PHF19: variants seen among roughly 807,000 people sequenced by gnomAD.
PHF19 encodes the protein PHD finger protein 19, also known as polycomb like 3.
PHF19 carries 21 observed loss-of-function variants against 79.8 expected under a neutral mutation model. That is an observed-to-expected ratio of 0.26 (90% CI 0.19 to 0.38). The LOEUF (loss-of-function observed/expected upper bound fraction) is 0.38, where lower values mean the gene tolerates loss of function less well. Ranked by LOEUF, PHF19 falls within the 10% of genes least tolerant of loss-of-function variation. PHF19 has a pLI of 1.00. For missense variants in PHF19, 445 were observed against 744.2 expected (o/e 0.60, Z 4.68); for synonymous variants, 273 against 296.3 (o/e 0.92, Z 0.81).
chr9:120,896,749 G>A (rs369622425), upstream of PHF19, among the ~76,000 whole-genome samples: 14 of 152,232 alleles, frequency 9.2e-5, no homozygotes, highest in African/African-American at 1.7e-4. Context: ...CACCGTGCCC[G>A]GCCGTTTGTA....
intron 9 of PHF19, among the ~76,000 whole-genome samples, chr9:120,864,456 C>T (rs1354088004): frequency 1.3e-5 from 2 of 151,660 alleles, no homozygotes; most frequent in Non-Finnish European, 2.9e-5. Flanking sequence ...AAAATGGTGG[C>T]ATTGTTTCTA....
At chr9:120,876,883 C>T in intron 1 of PHF19, 1 of 596,492 alleles carries the variant, frequency 1.7e-6, no homozygotes, top group South Asian at 7.4e-5. Context: ...CACCCATGCC[C>T]CCCGGGGCTC....
chr9:120,880,826 G>A (rs2131581882), upstream of PHF19, among the ~76,000 whole-genome samples: 1 of 151,984 alleles, frequency 6.6e-6, no homozygotes, highest in East Asian at 2.0e-4. Flanking sequence ...TGGGCATGAT[G>A]GCATGCACCT....
chr9:120,862,119 G>T lies in PHF19; in HGVS notation c.1131-114C>A. On this transcript the variant is annotated intron_variant, in intron 11 of 14. Transcript: ENST00000373896. The surrounding 1 kb of genome is among the most constrained non-coding windows in gnomAD (Gnocchi z 4.6). Reference sequence around the variant, plus strand: ...CACAGCAGTTGGGGAGACAGGCTCTGAACACAGCTGCACCTTCACAGGGAG... The same window carrying T: ...CACAGCAGTTGGGGAGACAGGCTCTTAACACAGCTGCACCTTCACAGGGAG... 1.3e-6 allele frequency: 1 copy of T among 776,382 alleles called. No homozygotes were observed. Among genetic ancestry groups the T allele is most frequent in the South Asian group, 1.4e-5 (1 of 73,642 alleles). The allele number at this position is 776,382 out of a possible 1,614,324, so 48.1% of individuals were successfully genotyped here. A position where few individuals can be genotyped will look rare whatever the true frequency, so the allele number is the denominator to read the frequency against.
chr9:120,890,273 CTTTT>C (rs10658749), intron 1 of PHF19, among the ~76,000 whole-genome samples: 3,132 of 115,340 alleles, frequency 0.027, 51 homozygotes, highest in South Asian at 0.042. Flanking sequence ...AATGAGCCTG[CTTTT>C]TTTTTTTTTT....
chr9:120,896,314 T>C (rs757242974), upstream of PHF19, among the ~76,000 whole-genome samples: 6 of 152,262 alleles, frequency 3.9e-5, no homozygotes, highest in Non-Finnish European at 7.4e-5. Context: ...ACCACTCTCA[T>C]GCCAATTGTG....
chr9:120,884,430 G>C (rs2046235207), intron 1 of PHF19, among the ~76,000 whole-genome samples: 1 of 147,798 alleles, frequency 6.8e-6, no homozygotes, highest in African/African-American at 2.5e-5. Context: ...TGAGATGAGA[G>C]CTGCTCCCCG....
At chr9:120,885,129 GA>G (rs2131588870) in intron 1 of PHF19, among the ~76,000 whole-genome samples, 1 of 152,256 alleles carries the variant, frequency 6.6e-6, no homozygotes, top group East Asian at 1.9e-4. Flanking sequence ...GAAGTAGGAG[GA>G]TTGCTTGAAC....
rs1406328466 is a variant in PHF19 at position 120,864,050 on chromosome 9, G to A, written c.967C>T (p.Arg323Trp). 2 of 1,613,258 alleles carry A rather than the reference G, an allele frequency of 1.2e-6. No homozygotes were observed. Among genetic ancestry groups the A allele is most frequent in the East Asian group, 2.2e-5 (1 of 44,850 alleles). The stretch of plus-strand genomic sequence containing the variant: ...ACTCCCTCCCCTCCCTGCACGCACC[G>A]GCTTTTATAACTGTTCAGAGCGTTG... ...LLNALNSYKS[R>W]FLCGKEIKKK... is the part of the protein sequence containing the mutation. Residue 323 changes from arginine to tryptophan, a missense_variant and splice_region_variant, in exon 10 of 15, where the codon CGG becomes TGG. Arg to Trp is a moderately radical substitution (Grantham distance 101, BLOSUM62 -3). Coordinates refer to ENST00000373896, the MANE Select transcript of PHF19 (RefSeq NM_015651.3).
chr9:120,879,006 A>G (rs923893559), upstream of PHF19, among the ~76,000 whole-genome samples: 1 of 151,954 alleles, frequency 6.6e-6, no homozygotes, highest in African/African-American at 2.4e-5. Context: ...CTCTGAGGCT[A>G]CAGGCCAGCT....
chr9:120,861,040 C>T, intron 13 of PHF19, 49 bp downstream of exon 13: 1 of 1,065,132 alleles, frequency 9.4e-7, no homozygotes. Context: ...CTGCTTGGTT[C>T]CCTCCCTGTC....
chr9:120,883,875 G>C (rs894065640), intron 1 of PHF19, among the ~76,000 whole-genome samples: 1 of 152,078 alleles, frequency 6.6e-6, no homozygotes, highest in African/African-American at 2.4e-5. Context: ...GGAGTGATCA[G>C]GACAAGGAGG....
Position 120,860,998 on chromosome 9 carries a change from G to T in PHF19, c.1304+91C>A. ...AAGCCCCTTCAGACAGACCTGCACA[G>T]CAGGGATCCTTTTAACTGAGGGCTT... is the stretch of plus-strand genomic sequence containing the variant. On this transcript the variant is annotated intron_variant, in intron 13 of 14. Transcript: ENST00000373896. The surrounding 1 kb of genome is among the most constrained non-coding windows in gnomAD (Gnocchi z 4.1). 1 of 804,402 alleles carries T rather than the reference G, an allele frequency of 1.2e-6. No individual in the cohort carries two copies. Among genetic ancestry groups the T allele is most frequent in the Non-Finnish European group, 2.2e-6 (1 of 449,134 alleles). The allele number at this position is 804,402 out of a possible 1,614,324, so 49.8% of individuals were successfully genotyped here. A position where few individuals can be genotyped will look rare whatever the true frequency, so the allele number is the denominator to read the frequency against.
chr9:120,883,008 A>G (rs1347602091), intron 1 of PHF19, among the ~76,000 whole-genome samples: 1 of 152,152 alleles, frequency 6.6e-6, no homozygotes, highest in Non-Finnish European at 1.5e-5. Context: ...TCATGTCCTC[A>G]GCATGGAGGT....
At position 120,866,223 on chromosome 9, in the gene PHF19, C is replaced by T. The variant is rs557279335; in HGVS notation, c.711-127G>A. On this transcript the variant is annotated intron_variant, in intron 7 of 14. Transcript: ENST00000373896. This position sits in a 1 kb window ranked among gnomAD's most constrained non-coding sequence, Gnocchi z 5.2. ...ATCTTCTCACTCCTAGGACTGCTGGCCACTGGGGGTCAAGGACAGGGCAGG... is the reference window on the plus strand; with the variant it reads ...ATCTTCTCACTCCTAGGACTGCTGGTCACTGGGGGTCAAGGACAGGGCAGG... The T allele has an allele frequency of 1.6e-5, 12 of 735,554 alleles. No individual in the cohort carries two copies. The East Asian group carries it at 2.6e-4, about 16-fold the overall frequency. 45.6% of individuals were successfully genotyped at this position (735,554 alleles called of 1,614,324 possible).
Position 120,856,692 on chromosome 9 carries a change from C to T in PHF19, c.*1252G>A, listed in dbSNP as rs548565266. ...GGCAAGGGCTTCCCTTTGAGGGAACCAAATGATGCAGGCTCTTTAAAAATT... is the reference window on the plus strand; with the variant it reads ...GGCAAGGGCTTCCCTTTGAGGGAACTAAATGATGCAGGCTCTTTAAAAATT... On this transcript the variant is annotated 3_prime_UTR_variant, in exon 15 of 15. Transcript: ENST00000373896. 2.0e-5 allele frequency: 3 copies of T among 152,692 alleles called. No homozygotes were observed. Among genetic ancestry groups the T allele is most frequent in the South Asian group, 2.1e-4 (1 of 4,822 alleles). The allele number at this position is 152,692 out of a possible 1,614,324, so 9.5% of individuals were successfully genotyped here.
upstream of PHF19, among the ~76,000 whole-genome samples, chr9:120,877,893 CTG>C (rs1427485222): frequency 1.3e-5 from 2 of 152,172 alleles, no homozygotes; most frequent in East Asian, 3.8e-4. Flanking sequence ...GGGGAACACA[CTG>C]TACACAACAG....
At chr9:120,858,811 T>TCACACACACACACACACACA (rs56042039) in intron 14 of PHF19, among the ~76,000 whole-genome samples, 4 of 122,802 alleles carry the variant, frequency 3.3e-5, no homozygotes, top group Non-Finnish European at 6.9e-5. Flanking sequence ...CTGACAGACA[T>TCACACACACACACACACACA]CACACACACA....
At chr9:120,863,163 G>A (rs2045586648) in intron 10 of PHF19, 1 of 183,086 alleles carries the variant, frequency 5.5e-6, no homozygotes, top group African/African-American at 2.4e-5. Flanking sequence ...GGCTGCAGAA[G>A]TGACTTAGAC....
Sources: gnomAD v4.1 joint callset for allele counts (sites outside exome capture counted in the v4.1 genomes callset) on GRCh38, gnomAD v4.1.1 for gene constraint, Gnocchi (gnomAD v3.1) non-coding constraint, MANE v1.5 for transcripts, NCBI Gene and HGNC (gene_info 2026-07-23, HGNC 2026-07-21) for gene names.